The following KDM4C variants were observed in gnomAD, a reference collection of about 807,000 sequenced individuals.
KDM4C encodes the protein lysine-specific demethylase 4C.
Under a neutral mutation model 129.3 loss-of-function variants are expected in KDM4C, and 81 were observed. That is an observed-to-expected ratio of 0.63 (90% CI 0.52 to 0.75). The LOEUF is 0.75. Ranked by LOEUF, KDM4C falls within the 30% of genes least tolerant of loss-of-function variation. KDM4C has a pLI of 0.00. For synonymous variants in KDM4C, 573 were observed against 456.1 expected, an observed-to-expected ratio of 1.26 and a Z score of -3.26; for missense variants, 1,457 against 1,304.0, an observed-to-expected ratio of 1.12 and a Z score of -1.81.
rs920424943 is a variant in KDM4C, at chr9:6,758,203, G to A, written c.-18G>A. The A allele has an allele frequency of 1.8e-5, 18 of 985,798 alleles. No homozygotes were observed. The highest frequency in any genetic ancestry group is 1.9e-5 in the Non-Finnish European group (16 of 830,336). The allele number at this position is 985,798 out of a possible 1,614,324, so 61.1% of individuals were successfully genotyped here. A position where few individuals can be genotyped will look rare whatever the true frequency, so the allele number is the denominator to read the frequency against. The stretch of plus-strand genomic sequence containing the variant: ...TGCTCTCGCCCCAACCCGCGCGCCA[G>A]GTAACCGCTTTTCCGGAGTCTGGGG... On this transcript the variant is annotated splice_region_variant and 5_prime_UTR_variant, in exon 1 of 22. Coordinates refer to ENST00000381309, the MANE Select transcript of KDM4C (RefSeq NM_015061.6). This position sits in a 1 kb window ranked among gnomAD's most constrained non-coding sequence, Gnocchi z 4.6.
At chr9:6,766,939 A>G (rs1339834760) in intron 1 of KDM4C, among the ~76,000 whole-genome samples, 3 of 151,890 alleles carry the variant, frequency 2.0e-5, no homozygotes, top group Non-Finnish European at 2.9e-5. Flanking sequence ...TGTTTTTTGT[A>G]CCAGATGTTT....
chr9:6,757,991 G>C lies in KDM4C; in HGVS notation c.-230G>C. On this transcript the variant is annotated 5_prime_UTR_variant, in exon 1 of 22. Coordinates refer to ENST00000381309, the MANE Select transcript of KDM4C (RefSeq NM_015061.6). ...CGCAGGGAGAGCCGGCGGTGCGCGC[G>C]CCTTCGCCGCTGCCTCCCACCCACC... 2 of 985,366 alleles carry C rather than the reference G, an allele frequency of 2.0e-6. No individual in the cohort carries two copies. The highest frequency in any genetic ancestry group is 2.4e-6 in the Non-Finnish European group (2 of 829,890). The allele number at this position is 985,366 out of a possible 1,614,324, so 61.0% of individuals were successfully genotyped here.
chr9:7,005,304 G>A lies in KDM4C; in HGVS notation c.1787-6394G>A, dbSNP rs567182181. Among the ~76,000 whole-genome samples, 24 of 151,960 alleles carry A rather than the reference G, an allele frequency of 1.6e-4. No homozygotes were observed. The East Asian group carries it at 2.9e-3, about 18-fold the overall frequency. ...TACAAAGTTAGCCGGGCGTGGTGGC[G>A]CATGCCTGTAATCCCAGCTACTCGG... On this transcript the variant is annotated intron_variant, in intron 12 of 21. Transcript: ENST00000381309.
At chr9:6,920,420 G>A (rs531963033) in intron 8 of KDM4C, among the ~76,000 whole-genome samples, 2 of 152,266 alleles carry the variant, frequency 1.3e-5, no homozygotes, top group South Asian at 4.1e-4. Context: ...AAAATTAGCT[G>A]GGCTTGGTGG....
At chr9:6,822,229 G>A (rs1833156466) in intron 4 of KDM4C, among the ~76,000 whole-genome samples, 1 of 152,146 alleles carries the variant, frequency 6.6e-6, no homozygotes, top group African/African-American at 2.4e-5. Flanking sequence ...CACTACCGTG[G>A]CAGAGGTGCT....
intron 20 of KDM4C, among the ~76,000 whole-genome samples, chr9:7,166,723 C>T (rs936366124): frequency 5.3e-5 from 8 of 152,050 alleles, no homozygotes; most frequent in Non-Finnish European, 1.2e-4. Context: ...GTAGCAAAGC[C>T]ATTTGCTACA....
chr9:6,872,015 G>A (rs1035191229), intron 5 of KDM4C, among the ~76,000 whole-genome samples: 2 of 152,210 alleles, frequency 1.3e-5, no homozygotes, highest in African/African-American at 4.8e-5. Flanking sequence ...TGGAATCTGG[G>A]TGGGGTTTGA....
In KDM4C at chr9:6,842,323, T is replaced by A. The variant is rs865914680; in HGVS notation, c.436-7184T>A. ...TTTTATCCACATTTCTTTTTTTTTT[T>A]TTTTTTTTTTTGAGACGGAGTCTTG... On this transcript the variant is annotated intron_variant, in intron 4 of 21. Coordinates refer to ENST00000381309, the MANE Select transcript of KDM4C (RefSeq NM_015061.6). 3.6e-3 allele frequency among the ~76,000 whole-genome samples: 496 copies of A among 138,962 alleles called. 5 individuals are homozygous for A. The highest frequency in any genetic ancestry group is 0.013 in the African/African-American group (471 of 37,096). The allele number at this position is 138,962 out of a possible 152,430, so 91.2% of individuals were successfully genotyped here. A position where few individuals can be genotyped will look rare whatever the true frequency, so the allele number is the denominator to read the frequency against.
chr9:7,005,387 A>G (rs1262314763), intron 12 of KDM4C, among the ~76,000 whole-genome samples: 2 of 150,190 alleles, frequency 1.3e-5, no homozygotes, highest in African/African-American at 4.9e-5. Context: ...GTGAGTCGAG[A>G]TCAAGCCGTT....
intron 8 of KDM4C, among the ~76,000 whole-genome samples, chr9:6,913,788 A>G (rs369811448): frequency 6.6e-6 from 1 of 152,246 alleles, no homozygotes; most frequent in East Asian, 1.9e-4. Context: ...GTTACTATAA[A>G]AAGTAATAAG....
At chr9:6,788,050 C>A (rs1295871121) in intron 1 of KDM4C, among the ~76,000 whole-genome samples, 1 of 152,176 alleles carries the variant, frequency 6.6e-6, no homozygotes, top group African/African-American at 2.4e-5. Flanking sequence ...CCTTGTTGTT[C>A]CTTCAGCCTA....
chr9:6,877,111 C>G (rs183805013), intron 5 of KDM4C, among the ~76,000 whole-genome samples: 2 of 152,268 alleles, frequency 1.3e-5, no homozygotes, highest in Admixed American at 6.5e-5. Context: ...GTCCTTCATT[C>G]TCCCAGGTGC....
intron 1 of KDM4C, among the ~76,000 whole-genome samples, chr9:6,725,041 G>T (rs1244329449): frequency 1.3e-5 from 2 of 152,072 alleles, no homozygotes; most frequent in Non-Finnish European, 2.9e-5. Flanking sequence ...CATTCCTTGG[G>T]TCATGACACC....
intron 15 of KDM4C, among the ~76,000 whole-genome samples, chr9:7,026,943 T>C (rs1247403903): frequency 6.6e-6 from 1 of 152,114 alleles, no homozygotes; most frequent in African/African-American, 2.4e-5. Flanking sequence ...TTCTTTTTAA[T>C]TATTTCAATC....
At chr9:7,169,423 C>T (rs1844734750) in intron 20 of KDM4C, among the ~76,000 whole-genome samples, 1 of 152,194 alleles carries the variant, frequency 6.6e-6, no homozygotes, top group Non-Finnish European at 1.5e-5. Context: ...ACAACCTCTG[C>T]CTCCCAGCTT....
intron 8 of KDM4C, among the ~76,000 whole-genome samples, chr9:6,895,549 C>T (rs1057502081): frequency 2.0e-5 from 3 of 152,054 alleles, no homozygotes; most frequent in Non-Finnish European, 4.4e-5. Flanking sequence ...GTTGGGGGTG[C>T]AGGAGGGGAA....
chr9:6,788,651 G>A (rs1825937846), intron 1 of KDM4C, among the ~76,000 whole-genome samples: 1 of 152,214 alleles, frequency 6.6e-6, no homozygotes, highest in South Asian at 2.1e-4. Flanking sequence ...GATACTGTGA[G>A]CCAGGCTGGG....
chr9:6,882,612 C>T (rs778834872), intron 6 of KDM4C, among the ~76,000 whole-genome samples: 1 of 152,184 alleles, frequency 6.6e-6, no homozygotes, highest in African/African-American at 2.4e-5. Context: ...AAACTTATTT[C>T]AAAGGACAGT....
intron 15 of KDM4C, among the ~76,000 whole-genome samples, chr9:7,016,425 C>CT (rs759501262): frequency 0.12 from 12,304 of 102,704 alleles, 2,310 homozygotes; most frequent in African/African-American, 0.36. Flanking sequence ...CTGTTCCTGG[C>CT]TTTTTTTTTT....
Sources: allele counts gnomAD v4.1 joint callset (sites outside exome capture counted in the v4.1 genomes callset), GRCh38; gene constraint gnomAD v4.1.1; non-coding constraint Gnocchi (gnomAD v3.1); transcripts MANE v1.5; gene names NCBI Gene and HGNC (gene_info 2026-07-23, HGNC 2026-07-21).